Variants in AGXT2 observed in about 807,000 individuals in gnomAD.
AGXT2 encodes the protein alanine--glyoxylate aminotransferase 2.
In AGXT2, 61 loss-of-function variants were observed where a neutral mutation model predicts 62.5. The observed-to-expected ratio is 0.98, with a 90% CI of 0.79 to 1.21. AGXT2 has a LOEUF of 1.21. Among genes scored for constraint, AGXT2 ranks in the 50% most tolerant of loss-of-function variants. The pLI is 0.00. For synonymous variants in AGXT2, 243 were observed against 218.7 expected, an observed-to-expected ratio of 1.11 and a Z score of -0.98; for missense variants, 666 against 641.5, an observed-to-expected ratio of 1.04 and a Z score of -0.41.
chr5:35,034,976 T>A (rs1277331672), intron 5 of AGXT2, among the ~76,000 whole-genome samples: 2 of 152,154 alleles, frequency 1.3e-5, no homozygotes, highest in East Asian at 3.9e-4. Context: ...CACAGGAGGA[T>A]CTATGACATA....
intron 2 of AGXT2, among the ~76,000 whole-genome samples, chr5:35,040,181 A>G (rs571937832): frequency 5.1e-4 from 77 of 152,250 alleles, no homozygotes; most frequent in Non-Finnish European, 8.2e-4. Flanking sequence ...TATAACTATA[A>G]TTTTTGCTGG....
At chr5:35,040,428 C>T (rs1264207631) in intron 2 of AGXT2, 147 bp downstream of exon 2, 3 of 758,184 alleles carry the variant, frequency 4.0e-6, no homozygotes, top group Non-Finnish European at 6.9e-6. Flanking sequence ...GTTTCAGATG[C>T]TTCCAATGAC....
Position 35,041,559 on chromosome 5 carries a change from G to A in AGXT2, c.89-896C>T, listed in dbSNP as rs77491710. Among the ~76,000 whole-genome samples the A allele has an allele frequency of 1.5e-3, 221 of 152,224 alleles. 1 individual carries two copies. The highest frequency in any genetic ancestry group is 5.1e-3 in the African/African-American group (213 of 41,540). ...TGGGATGGAATAATGGAATCAGAAC[G>A]TCAGAGCTGGAAGAGTTGTCTAGAG... On this transcript the variant is annotated intron_variant, in intron 1 of 13. Coordinates refer to ENST00000231420, the MANE Select transcript of AGXT2 (RefSeq NM_031900.4).
At position 35,025,139 on chromosome 5, in the gene AGXT2, G is replaced by A. The variant is rs532124375; in HGVS notation, c.963+624C>T. On this transcript the variant is annotated intron_variant, in intron 9 of 13. Transcript: ENST00000231420. ...GTCTCTAATGCCAGTACTTTGGGAG[G>A]CCAAGGCGGGCGGATCACTTGAGGT... 8.8e-4 allele frequency among the ~76,000 whole-genome samples: 134 copies of A among 152,286 alleles called. 1 individual carries two copies. Among genetic ancestry groups the A allele is most frequent in the African/African-American group, 3.0e-3 (125 of 41,554 alleles).
At chr5:35,005,986 C>G (rs1420964516) in intron 12 of AGXT2, among the ~76,000 whole-genome samples, 1 of 152,134 alleles carries the variant, frequency 6.6e-6, no homozygotes, top group Non-Finnish European at 1.5e-5. Flanking sequence ...GAAACAGATA[C>G]TTTTTCTATG....
rs376208578 is a variant in AGXT2 at position 35,014,010 on chromosome 5, A to G, written c.1073T>C (p.Met358Thr). 1 of 1,614,006 alleles carries G rather than the reference A, an allele frequency of 6.2e-7. No homozygotes were observed. Among genetic ancestry groups the G allele is most frequent in the African/African-American group, 1.3e-5 (1 of 74,906 alleles). The change falls in exon 10 of 14, where the codon ATG (methionine) becomes ACG (threonine). Residue 358 changes from methionine (M) to threonine (T), a missense_variant. Coordinates refer to ENST00000231420, the MANE Select transcript of AGXT2 (RefSeq NM_031900.4). Reference protein sequence around the residue: ...MAKGIGNGFPMAAVITTPEIA... With the variant: ...MAKGIGNGFPTAAVITTPEIA... ...ACCTGGAGTGGTTATGACTGCTGCC[A>G]TGGGAAAGCCATTCCCAATCCCTTT... is the stretch of plus-strand genomic sequence containing the variant.
intron 9 of AGXT2, among the ~76,000 whole-genome samples, chr5:35,023,460 T>C (rs769067512): frequency 5.9e-5 from 9 of 152,238 alleles, no homozygotes; most frequent in Non-Finnish European, 1.2e-4. Context: ...AGTTTTCAAT[T>C]ACATTGTTTG....
rs539137545 is a variant in AGXT2, at chr5:35,035,623, G to T, written c.487-307C>A. ...CCAAGGGAGACTTGCTGAGGGGCAC[G>T]CAGTGGTGAGTAGCTGATAGATCCA... On this transcript the variant is annotated intron_variant, in intron 4 of 13. Coordinates refer to ENST00000231420, the MANE Select transcript of AGXT2 (RefSeq NM_031900.4). 3.3e-5 allele frequency among the ~76,000 whole-genome samples: 5 copies of T among 152,202 alleles called. No homozygotes were observed. In the South Asian group the frequency reaches 8.3e-4, roughly 25 times the overall value.
intron 7 of AGXT2, among the ~76,000 whole-genome samples, chr5:35,032,412 C>G (rs1215235418): frequency 6.6e-6 from 1 of 152,140 alleles, no homozygotes; most frequent in African/African-American, 2.4e-5. Context: ...AAAATTGACA[C>G]CAGAGCTATT....
chr5:35,019,621 A>G (rs1170679172), intron 9 of AGXT2, among the ~76,000 whole-genome samples: 2 of 152,184 alleles, frequency 1.3e-5, no homozygotes, highest in South Asian at 2.1e-4. Context: ...AAGAGAAAGC[A>G]GGAAAGATCC....
At chr5:35,044,085 G>C (rs1768092500) in intron 1 of AGXT2, among the ~76,000 whole-genome samples, 1 of 152,148 alleles carries the variant, frequency 6.6e-6, no homozygotes, top group African/African-American at 2.4e-5. Flanking sequence ...ACTTGGGATT[G>C]CCAACGAGTT....
chr5:35,011,930 AC>A (rs1188189446), intron 11 of AGXT2, among the ~76,000 whole-genome samples: 7 of 151,094 alleles, frequency 4.6e-5, no homozygotes, highest in Non-Finnish European at 1.0e-4. Context: ...ACACACACAC[AC>A]ACACACACAC....
At chr5:35,009,950 T>A (rs1766563843) in intron 12 of AGXT2, 50 bp downstream of exon 12, 1 of 1,612,490 alleles carries the variant, frequency 6.2e-7, no homozygotes, top group Non-Finnish European at 8.5e-7. Flanking sequence ...TCCTCCTATA[T>A]CTCCTGCTGG....
At position 34,998,751 on chromosome 5, in the gene AGXT2, A is replaced by G. The variant is rs1766120116; in HGVS notation, c.1513T>C (p.Leu505=). 1.2e-6 allele frequency: 2 copies of G among 1,613,796 alleles called. No homozygotes were observed. Among genetic ancestry groups the G allele is most frequent in the African/African-American group, 2.7e-5 (2 of 74,924 alleles). ...DFAVEVFRSA[L]TQHMERRAK is the part of the protein sequence containing the mutation. ...GCTCTTCTTTCCATGTGTTGGGTTA[A>G]GGCAGAACGAAATACTTCTACTGCA... is the stretch of plus-strand genomic sequence containing the variant. The change falls in exon 14 of 14, where the codon TTA becomes CTA. Residue 505 remains leucine, a synonymous_variant. Coordinates refer to ENST00000231420, the MANE Select transcript of AGXT2 (RefSeq NM_031900.4).
intron 13 of AGXT2, among the ~76,000 whole-genome samples, chr5:35,003,459 T>C (rs893676548): frequency 1.3e-5 from 2 of 152,206 alleles, no homozygotes; most frequent in Non-Finnish European, 2.9e-5. Context: ...TCATCCATAC[T>C]GTTAGTTGTC....
At chr5:35,038,267 A>C (rs533130103) in intron 3 of AGXT2, among the ~76,000 whole-genome samples, 1 of 152,332 alleles carries the variant, frequency 6.6e-6, no homozygotes, top group South Asian at 2.1e-4. Context: ...ATTTGACAAA[A>C]ACATTGTTTA....
At chr5:35,010,175 C>A in intron 11 of AGXT2, 26 bp from the exon 12 acceptor site, 7 of 1,614,046 alleles carry the variant, frequency 4.3e-6, no homozygotes, top group Non-Finnish European at 5.9e-6. Context: ...CCCAAATGAT[C>A]TTACATGGCA....
intron 4 of AGXT2, among the ~76,000 whole-genome samples, chr5:35,036,048 G>A (rs1159630072): frequency 6.6e-6 from 1 of 151,418 alleles, no homozygotes; most frequent in Non-Finnish European, 1.5e-5. Context: ...TTGCACTGCA[G>A]CCTGGGTGAC....
intron 7 of AGXT2, among the ~76,000 whole-genome samples, chr5:35,032,491 G>T (rs1449338717): frequency 6.6e-6 from 1 of 152,136 alleles, no homozygotes; most frequent in Non-Finnish European, 1.5e-5. Context: ...TTTGAGCTTG[G>T]CTCTGATAGC....
Sources: gnomAD v4.1 joint callset for allele counts (sites outside exome capture counted in the v4.1 genomes callset) on GRCh38, gnomAD v4.1.1 for gene constraint, MANE v1.5 for transcripts, NCBI Gene and HGNC (gene_info 2026-07-23, HGNC 2026-07-21) for gene names.